The following VPS13D variants were observed in gnomAD, a reference collection of about 807,000 sequenced individuals.
VPS13D encodes vacuolar protein sorting 13 homolog D, also known as intermembrane lipid transfer protein VPS13D.
A neutral mutation model predicts 461.9 loss-of-function variants in VPS13D; 187 were observed. The observed-to-expected ratio is 0.40, with a 90% confidence interval of 0.36 to 0.46. VPS13D has a LOEUF of 0.46. VPS13D is among the 20% of genes least tolerant of loss of function. VPS13D has a pLI of 0.60. For synonymous variants in VPS13D, 1,951 were observed against 1,986.3 expected, an observed-to-expected ratio of 0.98 and a Z score of 0.47; for missense variants, 4,711 against 5,364.9, an observed-to-expected ratio of 0.88 and a Z score of 3.81.
chr1:12,506,983 C>T lies in VPS13D; in HGVS notation c.12925C>T (p.His4309Tyr). ...AGAAGTCAAATACGATGACCTCTAC[C>T]ACTGCCTTGTCTCCAAAGACCATGG... ...FLEVKYDDLY[H>Y]CLVSKDHGKV... Residue 4309 changes from histidine (H) to tyrosine (Y), a missense_variant, in exon 69 of 70, where the codon CAC becomes TAC. This residue lies in a region of VPS13D where 194 missense variants were observed against 220.9 expected (regional missense o/e 0.88). Transcript: ENST00000620676. The T allele has an allele frequency of 2.5e-6, 4 of 1,614,248 alleles. No homozygotes were observed. Among genetic ancestry groups the T allele is most frequent in the South Asian group, 1.1e-5 (1 of 91,090 alleles).
At position 12,277,224 on chromosome 1, in the gene VPS13D, C is replaced by T. The variant is rs759902056; in HGVS notation, c.3636C>T (p.Asp1212=). Residue 1212 remains aspartate (D), a synonymous_variant, in exon 19 of 70, where the codon GAC becomes GAT. Coordinates refer to ENST00000620676, the MANE Select transcript of VPS13D (RefSeq NM_015378.4). Reference sequence around the variant, plus strand: ...ATGTCTCAATGGGTAGCACGTTTGACATGAATGGTTCTCTTGGCTGTTTAC... The same window carrying T: ...ATGTCTCAATGGGTAGCACGTTTGATATGAATGGTTCTCTTGGCTGTTTAC... ...KVNVSMGSTF[D]MNGSLGCLQL... The T allele has an allele frequency of 3.7e-6, 6 of 1,614,106 alleles. No individual in the cohort carries two copies. Among genetic ancestry groups the T allele is most frequent in the African/African-American group, 1.3e-5 (1 of 74,936 alleles).
chr1:12,386,411 C>G, intron 60 of VPS13D, 77 bp downstream of exon 60: 2 of 1,438,902 alleles, frequency 1.4e-6, no homozygotes, highest in South Asian at 1.5e-5. Context: ...GTTTGATGTT[C>G]TAAGAACTTT....
At chr1:12,304,824 G>T in intron 26 of VPS13D, 96 bp downstream of exon 26, 2 of 1,210,428 alleles carry the variant, frequency 1.7e-6, no homozygotes, top group Non-Finnish European at 2.4e-6. Flanking sequence ...TCAAGCAAAT[G>T]TTAACGAAGA....
At chr1:12,387,536 CTG>C (rs1450066864) in intron 60 of VPS13D, among the ~76,000 whole-genome samples, 2 of 150,222 alleles carry the variant, frequency 1.3e-5, no homozygotes, top group Non-Finnish European at 2.9e-5. Context: ...ACTGTATTCT[CTG>C]TGTTCAAAAG....
chr1:12,253,479 C>A (rs1278812151), intron 6 of VPS13D, among the ~76,000 whole-genome samples: 1 of 152,178 alleles, frequency 6.6e-6, no homozygotes, highest in Non-Finnish European at 1.5e-5. Flanking sequence ...TTGCTCATAG[C>A]ATCGTATAGA....
At chr1:12,308,833 G>A (rs1293880327) in intron 27 of VPS13D, among the ~76,000 whole-genome samples, 192 bp downstream of exon 27, 1 of 151,848 alleles carries the variant, frequency 6.6e-6, no homozygotes, top group Non-Finnish European at 1.5e-5. Flanking sequence ...TGTATTTTTA[G>A]TAGAGATGGG....
intron 65 of VPS13D, among the ~76,000 whole-genome samples, chr1:12,420,598 G>A (rs1461352881): frequency 6.6e-6 from 1 of 152,166 alleles, no homozygotes; most frequent in Non-Finnish European, 1.5e-5. Flanking sequence ...TGGGATGAGG[G>A]TCCAATGTTT....
intron 32 of VPS13D, among the ~76,000 whole-genome samples, chr1:12,320,957 G>A (rs1365542127): frequency 1.3e-5 from 2 of 152,222 alleles, no homozygotes; most frequent in Non-Finnish European, 2.9e-5. Flanking sequence ...GGACCTTGCT[G>A]TCACATGTTT....
chr1:12,433,774 AC>A (rs1645023339), intron 65 of VPS13D, among the ~76,000 whole-genome samples: 1 of 152,178 alleles, frequency 6.6e-6, no homozygotes, highest in African/African-American at 2.4e-5. Context: ...CAGGGGATCC[AC>A]TGGGATCCCG....
intron 65 of VPS13D, among the ~76,000 whole-genome samples, chr1:12,418,201 C>G (rs1644820124): frequency 6.6e-6 from 1 of 152,208 alleles, no homozygotes; most frequent in African/African-American, 2.4e-5. Context: ...AGCCACTGTA[C>G]CCAGACAGCA....
chr1:12,232,163 A>G (rs1170883473), intron 1 of VPS13D, among the ~76,000 whole-genome samples: 1 of 152,062 alleles, frequency 6.6e-6, no homozygotes, highest in African/African-American at 2.4e-5. Context: ...AGAAAAAAAA[A>G]TCTTTGGAAA....
chr1:12,320,165 T>C (rs1642996816), intron 32 of VPS13D, among the ~76,000 whole-genome samples: 1 of 152,222 alleles, frequency 6.6e-6, no homozygotes, highest in African/African-American at 2.4e-5. Flanking sequence ...GCATGGATAA[T>C]AGTGGTGCTT....
chr1:12,427,371 T>C (rs1644936477), intron 65 of VPS13D, among the ~76,000 whole-genome samples: 1 of 151,738 alleles, frequency 6.6e-6, no homozygotes, highest in Non-Finnish European at 1.5e-5. Context: ...GTGGTAGAGC[T>C]TTTGCACTTC....
At position 12,321,948 on chromosome 1, in the gene VPS13D, T is replaced by A. The variant is rs1364980890; in HGVS notation, c.7688T>A (p.Phe2563Tyr). ...ATGGATGCATTCAATAGTGAAGATTTCCCACCTGTCCTGGAGGTAATGATG... is the reference window on the plus strand; with the variant it reads ...ATGGATGCATTCAATAGTGAAGATTACCCACCTGTCCTGGAGGTAATGATG... The part of the protein sequence containing the change: ...GLMDAFNSED[F>Y]PPVLEIQLQA... The change falls in exon 33 of 70, where the codon TTC becomes TAC. Residue 2563 changes from phenylalanine to tyrosine, a missense_variant. Physicochemically the swap from Phe to Tyr is conservative, Grantham distance 22. Around this residue, in one of 3 missense-constraint regions of VPS13D, gnomAD observed 4,411 missense variants for 4,937.8 expected, o/e 0.89. Coordinates refer to ENST00000620676, the MANE Select transcript of VPS13D (RefSeq NM_015378.4). The A allele has an allele frequency of 6.2e-7, 1 of 1,613,628 alleles. No homozygotes were observed. The highest frequency in any genetic ancestry group is 8.5e-7 in the Non-Finnish European group (1 of 1,179,824).
At chr1:12,406,117 G>A (rs1644650869) in intron 63 of VPS13D, among the ~76,000 whole-genome samples, 1 of 152,220 alleles carries the variant, frequency 6.6e-6, no homozygotes, top group South Asian at 2.1e-4. Flanking sequence ...GTGATGAGGT[G>A]TGTAGGGGGC....
intron 66 of VPS13D, among the ~76,000 whole-genome samples, chr1:12,459,482 C>CTTT (rs869264869): frequency 9.1e-5 from 12 of 131,342 alleles, no homozygotes; most frequent in African/African-American, 2.5e-4. Flanking sequence ...CTTTTCTTTT[C>CTTT]TTTTTTTTTT....
chr1:12,257,947 G>A lies in VPS13D; in HGVS notation c.954G>A (p.Trp318Ter). 6.2e-7 allele frequency: 1 copy of A among 1,614,176 alleles called. No homozygotes were observed. Among genetic ancestry groups the A allele is most frequent in the Admixed American group, 1.7e-5 (1 of 60,016 alleles). The change falls in exon 10 of 70, where the codon TGG becomes TGA. Residue 318 changes from tryptophan to a stop codon, truncating the protein, a stop_gained. Coordinates refer to ENST00000620676, the MANE Select transcript of VPS13D (RefSeq NM_015378.4). LOFTEE classifies it high-confidence loss of function. ...KVAISKNCREWWYFALNANLY... is the reference protein window; with the variant it reads ...KVAISKNCRE ...TGGACTATTTCAGCTGCCGAGAATG[G>A]TGGTATTTTGCTTTGAATGCTAACT...
At chr1:12,433,917 G>GGA (rs1255837665) in intron 65 of VPS13D, among the ~76,000 whole-genome samples, 3 of 143,234 alleles carry the variant, frequency 2.1e-5, no homozygotes, top group Non-Finnish European at 3.0e-5. Flanking sequence ...TAGGGGGTGG[G>GGA]GAGAGAGAGA....
rs919607680 is a variant in VPS13D at position 12,355,752 on chromosome 1, T to G, written c.9680-147T>G. 3.8e-6 allele frequency: 3 copies of G among 786,308 alleles called. No homozygotes were observed. The African/African-American group carries it at 5.4e-5, about 14-fold the overall frequency. 48.7% of individuals were successfully genotyped at this position (786,308 alleles called of 1,614,324 possible). On this transcript the variant is annotated intron_variant, in intron 47 of 69. Coordinates refer to ENST00000620676, the MANE Select transcript of VPS13D (RefSeq NM_015378.4). The stretch of plus-strand genomic sequence containing the variant: ...TGCTTATATTGATCCCTACCCTAGC[T>G]AGAGAGAAAGAGCCATTCTAATGAA...
Sources: gnomAD v4.1 joint callset for allele counts (sites outside exome capture counted in the v4.1 genomes callset) on GRCh38, gnomAD v4.1.1 for gene constraint, gnomAD v4.1.1 regional missense constraint, MANE v1.5 for transcripts, NCBI Gene and HGNC (gene_info 2026-07-23, HGNC 2026-07-21) for gene names.